Variants in PCDHGB3 observed in about 807,000 individuals in gnomAD.
PCDHGB3 encodes protocadherin gamma-B3.
Under a neutral mutation model 59.2 loss-of-function variants are expected in PCDHGB3, and 40 were observed. The observed-to-expected ratio is 0.68, with a 90% CI of 0.52 to 0.88. The LOEUF (loss-of-function observed/expected upper bound fraction) is 0.88. Ranked by LOEUF, PCDHGB3 falls within the 40% of genes least tolerant of loss-of-function variation. The pLI is 0.00. For missense variants in PCDHGB3, 1,309 were observed against 1,187.9 expected (o/e 1.10, Z -1.50); for synonymous variants, 581 against 503.6 (o/e 1.15, Z -2.06).
chr5:141,489,359 AG>A lies in PCDHGB3; in HGVS notation c.2416-5447del. On this transcript the variant is annotated intron_variant, in intron 1 of 3. Coordinates refer to ENST00000576222, the MANE Select transcript of PCDHGB3 (RefSeq NM_018924.5). The surrounding 1 kb of genome is among the most constrained non-coding windows in gnomAD (Gnocchi z 4.5). ...CGTTACTCAGTGGTGGAGGAGTCTG[AG>A]CCGGGGACGCTGGTGGGGAATGTTG... 1 of 1,613,110 alleles carries A rather than the reference AG, an allele frequency of 6.2e-7. No homozygotes were observed. The highest frequency in any genetic ancestry group is 1.1e-5 in the South Asian group (1 of 90,984).
chr5:141,490,611 G>A lies in PCDHGB3; in HGVS notation c.2416-4196G>A, dbSNP rs1442281165. 1 of 1,614,052 alleles carries A rather than the reference G, an allele frequency of 6.2e-7. No homozygotes were observed. The highest frequency in any genetic ancestry group is 1.3e-5 in the African/African-American group (1 of 74,914). On this transcript the variant is annotated intron_variant, in intron 1 of 3. Coordinates refer to ENST00000576222, the MANE Select transcript of PCDHGB3 (RefSeq NM_018924.5). This position sits in a 1 kb window ranked among gnomAD's most constrained non-coding sequence, Gnocchi z 5.4. ...ACAATGCACCCCGCTTCAACCAGCA[G>A]CTTTACACTGCTTACATCCTAGAAA...
intron 1 of PCDHGB3, among the ~76,000 whole-genome samples, chr5:141,459,386 T>C (rs1283863283): frequency 6.6e-6 from 1 of 152,260 alleles, no homozygotes; most frequent in African/African-American, 2.4e-5. Context: ...GTGTTCCATT[T>C]GATTGTTGAG....
Position 141,490,046 on chromosome 5 carries a change from C to A in PCDHGB3, c.2416-4761C>A, listed in dbSNP as rs2099695274. ...CTGCTCCGCCTCAATGCCACTGATC[C>A]AGACGAGGGCACCAACGGCCAACTA... On this transcript the variant is annotated intron_variant, in intron 1 of 3. Transcript: ENST00000576222. This position sits in a 1 kb window ranked among gnomAD's most constrained non-coding sequence, Gnocchi z 5.4. 1 of 1,614,094 alleles carries A rather than the reference C, an allele frequency of 6.2e-7. No individual in the cohort carries two copies.
chr5:141,387,473 G>T (rs1032850562), intron 1 of PCDHGB3, among the ~76,000 whole-genome samples: 4 of 152,190 alleles, frequency 2.6e-5, no homozygotes, highest in Non-Finnish European at 4.4e-5. Context: ...CCTCAAAGTT[G>T]GGATGAAGGC....
chr5:141,424,504 G>A (rs1357608806), intron 1 of PCDHGB3: 2 of 152,134 alleles, frequency 1.3e-5, no homozygotes, highest in East Asian at 1.9e-4. Flanking sequence ...TGTATGGAAG[G>A]TTTTTTAATG....
Position 141,408,587 on chromosome 5 carries a change from C to A in PCDHGB3, c.2415+35778C>A, listed in dbSNP as rs768912219. 3 of 1,613,898 alleles carry A rather than the reference C, an allele frequency of 1.9e-6. No homozygotes were observed. The South Asian group carries it at 3.3e-5, about 18-fold the overall frequency. ...TGTGGTGATTGAGGATGTTAATGACCACGCCCCTCAATTTGATAAAAAGGA... is the reference window on the plus strand; with the variant it reads ...TGTGGTGATTGAGGATGTTAATGACAACGCCCCTCAATTTGATAAAAAGGA... On this transcript the variant is annotated intron_variant, in intron 1 of 3. Transcript: ENST00000576222.
chr5:141,404,970 C>A (rs1470955697), intron 1 of PCDHGB3: 1 of 1,613,940 alleles, frequency 6.2e-7, no homozygotes, highest in Non-Finnish European at 8.5e-7. Flanking sequence ...GACATCCTGG[C>A]TGACCTGGGC....
chr5:141,417,900 G>C, intron 1 of PCDHGB3: 2 of 1,583,452 alleles, frequency 1.3e-6, no homozygotes, highest in Non-Finnish European at 1.7e-6. Context: ...GCCGGCCCGC[G>C]GCAGGTACTA....
intron 1 of PCDHGB3, chr5:141,409,530 C>G: frequency 6.2e-7 from 1 of 1,613,994 alleles, no homozygotes. Flanking sequence ...TTGTATGTCG[C>G]TGACATCAAC....
At chr5:141,506,053 T>C (rs1486313858) in intron 3 of PCDHGB3, among the ~76,000 whole-genome samples, 1 of 152,126 alleles carries the variant, frequency 6.6e-6, no homozygotes, top group Non-Finnish European at 1.5e-5. Context: ...TCCCATAAGG[T>C]TGACTAAGGG....
Position 141,456,470 on chromosome 5 carries a change from A to G in PCDHGB3, c.2416-38337A>G, listed in dbSNP as rs573210902. Among the ~76,000 whole-genome samples, 4 of 152,272 alleles carry G rather than the reference A, an allele frequency of 2.6e-5. No homozygotes were observed. In the East Asian group the frequency reaches 7.7e-4, roughly 29 times the overall value. On this transcript the variant is annotated intron_variant, in intron 1 of 3. Coordinates refer to ENST00000576222, the MANE Select transcript of PCDHGB3 (RefSeq NM_018924.5). ...GTCCAAATATCAATACAAGACATAT[A>G]AGCAAGAGAGTGCTTAATAAAGGGG...
Position 141,489,826 on chromosome 5 carries a change from C to G in PCDHGB3, c.2416-4981C>G. On this transcript the variant is annotated intron_variant, in intron 1 of 3. Transcript: ENST00000576222. This position sits in a 1 kb window ranked among gnomAD's most constrained non-coding sequence, Gnocchi z 4.5. The stretch of plus-strand genomic sequence containing the variant: ...TGGGAAGCCATTCCCAGAGCTGGTG[C>G]TAGAGCAGCAGCTGGATCGTGAAGC... 1 of 1,614,186 alleles carries G rather than the reference C, an allele frequency of 6.2e-7. No homozygotes were observed. The highest frequency in any genetic ancestry group is 8.5e-7 in the Non-Finnish European group (1 of 1,179,988).
intron 1 of PCDHGB3, chr5:141,383,701 G>A (rs761689266): frequency 2.5e-6 from 4 of 1,613,810 alleles, no homozygotes; most frequent in South Asian, 1.1e-5. Flanking sequence ...ACATGCTATC[G>A]ACCTGGACGA....
intron 2 of PCDHGB3, among the ~76,000 whole-genome samples, chr5:141,498,394 A>G (rs1043900807): frequency 6.6e-6 from 1 of 152,096 alleles, no homozygotes; most frequent in Non-Finnish European, 1.5e-5. Flanking sequence ...AGGGAATGGC[A>G]GGGAGTTTTC....
chr5:141,502,331 G>C lies in PCDHGB3; in HGVS notation c.2475-3062G>C, dbSNP rs555959890. ...TCCTTTAATCTGGAGCCAGCTCCCA[G>C]TCTTTTTATTTTTTTAATGACATGG... On this transcript the variant is annotated intron_variant, in intron 2 of 3. Transcript: ENST00000576222. Among the ~76,000 whole-genome samples, 42 of 152,102 alleles carry C rather than the reference G, an allele frequency of 2.8e-4. No individual in the cohort carries two copies. The South Asian group carries it at 6.2e-3, about 23-fold the overall frequency.
chr5:141,380,379 A>G (rs1484471466), intron 1 of PCDHGB3, among the ~76,000 whole-genome samples: 1 of 152,244 alleles, frequency 6.6e-6, no homozygotes, highest in Non-Finnish European at 1.5e-5. Context: ...AGTCCCAAAA[A>G]AGAAAAGAGA....
chr5:141,502,250 TA>T (rs2099813542), intron 2 of PCDHGB3, among the ~76,000 whole-genome samples: 1 of 152,242 alleles, frequency 6.6e-6, no homozygotes, highest in African/African-American at 2.4e-5. Flanking sequence ...TCCTTTTTTT[TA>T]ATCCAGGATT....
In PCDHGB3 at chr5:141,370,972, A is replaced by G; in HGVS notation, c.578A>G (p.Glu193Gly). 6.2e-7 allele frequency: 1 copy of G among 1,614,000 alleles called. No homozygotes were observed. Among genetic ancestry groups the G allele is most frequent in the Non-Finnish European group, 8.5e-7 (1 of 1,179,894 alleles). ...AACCTGGATGGCAGTAGGTACCCAG[A>G]GCTAGTACTGAAAGCACCCCTGGAC... Reference protein sequence around the residue: ...KENLDGSRYPELVLKAPLDRE... With the variant: ...KENLDGSRYPGLVLKAPLDRE... The change falls in exon 1 of 4, where the codon GAG becomes GGG. Residue 193 changes from glutamate (E) to glycine (G), a missense_variant. Coordinates refer to ENST00000576222, the MANE Select transcript of PCDHGB3 (RefSeq NM_018924.5).
At chr5:141,478,251 T>C in intron 1 of PCDHGB3, 1 of 1,614,072 alleles carries the variant, frequency 6.2e-7, no homozygotes, top group Non-Finnish European at 8.5e-7. Context: ...GTGTTCGGAG[T>C]AATCATATTC....
Sources: gnomAD v4.1 joint callset for allele counts (sites outside exome capture counted in the v4.1 genomes callset) on GRCh38, gnomAD v4.1.1 for gene constraint, Gnocchi (gnomAD v3.1) non-coding constraint, MANE v1.5 for transcripts, NCBI Gene and HGNC (gene_info 2026-07-23, HGNC 2026-07-21) for gene names.